Variants in FBXL19 observed in about 807,000 individuals in gnomAD.
FBXL19 encodes F-box/LRR-repeat protein 19.
Under a neutral mutation model 71.2 loss-of-function variants are expected in FBXL19, and 16 were observed. The ratio of observed to expected loss-of-function variants is 0.22; its 90% CI spans 0.15 to 0.34. The LOEUF is 0.34. FBXL19 is among the 10% of genes least tolerant of loss of function. The probability of loss-of-function intolerance (pLI) is 1.00; values close to 1 mark genes in which losing one functional copy is unlikely to be tolerated. For missense variants in FBXL19, 658 were observed against 968.2 expected, an observed-to-expected ratio of 0.68 and a Z score of 4.25; for synonymous variants, 447 against 409.4, an observed-to-expected ratio of 1.09 and a Z score of -1.11.
intron 1 of FBXL19, chr16:30,924,781 G>A (rs374528872): frequency 5.4e-6 from 8 of 1,473,444 alleles, no homozygotes; most frequent in Non-Finnish European, 7.2e-6. Context: ...AAGACTGACT[G>A]GGAAGAGACC....
chr16:30,923,050 C>G (rs769034594), upstream of FBXL19: 8 of 456,738 alleles, frequency 1.8e-5, no homozygotes, highest in South Asian at 3.1e-5. Flanking sequence ...TGTCCCTCTT[C>G]CGCCATCTTG....
Position 30,925,095 on chromosome 16 carries a change from C to A in FBXL19, c.-25+636C>A, listed in dbSNP as rs1442249169. Among the ~76,000 whole-genome samples the A allele has an allele frequency of 6.6e-6, 1 of 152,108 alleles. No homozygotes were observed. The highest frequency in any genetic ancestry group is 1.5e-5 in the Non-Finnish European group (1 of 68,006). ...GGTCTCTGAAGAAGCATCTCCAGGG[C>A]TGTCAGAGCTCTGGGGAGTTAGTGG... On this transcript the variant is annotated intron_variant, in intron 1 of 10. Transcript: ENST00000338343. The surrounding 1 kb of genome is among the most constrained non-coding windows in gnomAD (Gnocchi z 5.0).
In FBXL19 at chr16:30,930,236, G is replaced by A. The variant is rs776454702; in HGVS notation, c.953G>A (p.Gly318Asp). 2 of 1,613,010 alleles carry A rather than the reference G, an allele frequency of 1.2e-6. No individual in the cohort carries two copies. Among genetic ancestry groups the A allele is most frequent in the Admixed American group, 3.3e-5 (2 of 60,034 alleles). ...SDSDSDSDSS[G>D]TSLSEDEAPG... ...TCAGACTCCGACTCCGACTCTTCGG[G>A]CACATCGCTGAGTGAGGACGAAGCC... The change falls in exon 7 of 11, where the codon GGC (glycine) becomes GAC (aspartate). Residue 318 changes from glycine (G) to aspartate (D), a missense_variant. Gly to Asp is a moderately conservative substitution (Grantham distance 94). Transcript: ENST00000338343. The surrounding 1 kb of genome is among the most constrained non-coding windows in gnomAD (Gnocchi z 8.5).
chr16:30,938,793 C>T (rs1306387996), intron 7 of FBXL19, among the ~76,000 whole-genome samples: 2 of 151,870 alleles, frequency 1.3e-5, no homozygotes, highest in Non-Finnish European at 2.9e-5. Flanking sequence ...CCTGCCACCA[C>T]GCCCGGCTAA....
intron 9 of FBXL19, among the ~76,000 whole-genome samples, chr16:30,943,722 C>T (rs1343511018): frequency 3.3e-5 from 5 of 152,010 alleles, no homozygotes; most frequent in African/African-American, 4.8e-5. Flanking sequence ...AGGCCGATCT[C>T]GAACTCCTTG....
rs756087166 is a variant in FBXL19 at position 30,927,652 on chromosome 16, C to G, written c.401C>G (p.Thr134Ser). 3 of 1,565,924 alleles carry G rather than the reference C, an allele frequency of 1.9e-6. No individual in the cohort carries two copies. The highest frequency in any genetic ancestry group is 2.4e-5 in the East Asian group (1 of 41,958). ...CCTCGCTGCACCCAGGAAGGCCGCACCAGCAAGGTAGGGGCTGGGCTGGGC... is the reference window on the plus strand; with the variant it reads ...CCTCGCTGCACCCAGGAAGGCCGCAGCAGCAAGGTAGGGGCTGGGCTGGGC... ...ECPRCTQEGR[T>S]SKDSGEGPGR... is the part of the protein sequence containing the mutation. Residue 134 changes from threonine to serine, a missense_variant, in exon 4 of 11, where the codon ACC (threonine) becomes AGC (serine). Around this residue, in one of 8 missense-constraint regions of FBXL19, gnomAD observed 447 missense variants for 515.4 expected, o/e 0.87. Transcript: ENST00000338343.
At chr16:30,940,190 G>A (rs1431790998) in intron 7 of FBXL19, among the ~76,000 whole-genome samples, 1 of 151,896 alleles carries the variant, frequency 6.6e-6, no homozygotes, top group African/African-American at 2.4e-5. Context: ...CTTGGGAGAT[G>A]GTGGTTTCAG....
chr16:30,943,378 T>G (rs1286255142), intron 9 of FBXL19, among the ~76,000 whole-genome samples: 1 of 141,158 alleles, frequency 7.1e-6, no homozygotes, highest in Non-Finnish European at 1.5e-5. Context: ...TTTTTTTTTT[T>G]TTTTTTTTTT....
intron 7 of FBXL19, among the ~76,000 whole-genome samples, chr16:30,937,413 C>G (rs2055751307): frequency 6.6e-6 from 1 of 152,056 alleles, no homozygotes; most frequent in Middle Eastern, 3.2e-3. Context: ...TGACTCTTAC[C>G]ATGCCCCTTG....
Position 30,947,865 on chromosome 16 carries a change from CT to C in FBXL19, c.*636del. The C allele has an allele frequency of 2.2e-6, 1 of 454,270 alleles. No individual in the cohort carries two copies. The highest frequency in any genetic ancestry group is 4.4e-6 in the Non-Finnish European group (1 of 225,774). The allele number at this position is 454,270 out of a possible 1,614,324, so 28.1% of individuals were successfully genotyped here. On this transcript the variant is annotated 3_prime_UTR_variant, in exon 11 of 11. Transcript: ENST00000338343. Reference sequence around the variant, plus strand: ...CTCCCCAGGCTTCAGTTCCTTCCCCCTGACCCTGACTCCTTGAACGTCACTG... The same window carrying C: ...CTCCCCAGGCTTCAGTTCCTTCCCCCGACCCTGACTCCTTGAACGTCACTG...
At position 30,944,014 on chromosome 16, in the gene FBXL19, C is replaced by A. The variant is rs531350365; in HGVS notation, c.1627+1478C>A. 2.0e-5 allele frequency among the ~76,000 whole-genome samples: 3 copies of A among 152,174 alleles called. No homozygotes were observed. The South Asian group carries it at 6.2e-4, about 32-fold the overall frequency. ...AGCACTCAGCCATTGTCCACTCTTA[C>A]CAGAATTGGACTGAGTTGGAGAGCT... is the stretch of plus-strand genomic sequence containing the variant. On this transcript the variant is annotated intron_variant, in intron 9 of 10. Transcript: ENST00000338343.
At position 30,927,785 on chromosome 16, in the gene FBXL19, G is replaced by A; in HGVS notation, c.449G>A (p.Gly150Asp). ...EGPGRRRADNGEEGASLGSGW... is the reference protein window; with the variant it reads ...EGPGRRRADNDEEGASLGSGW... ...CCTGGCCGCCGTAGGGCCGACAACGGCGAGGAGGGCGCCAGCTTGGGGAGC... is the reference window on the plus strand; with the variant it reads ...CCTGGCCGCCGTAGGGCCGACAACGACGAGGAGGGCGCCAGCTTGGGGAGC... Residue 150 changes from glycine to aspartate, a missense_variant, in exon 5 of 11, where the codon GGC becomes GAC. This residue lies in a region of FBXL19 where 447 missense variants were observed against 515.4 expected (regional missense o/e 0.87). Coordinates refer to ENST00000338343, the MANE Select transcript of FBXL19 (RefSeq NM_001382779.1). 1 of 1,555,222 alleles carries A rather than the reference G, an allele frequency of 6.4e-7. No individual in the cohort carries two copies. Among genetic ancestry groups the A allele is most frequent in the Non-Finnish European group, 8.7e-7 (1 of 1,150,100 alleles).
chr16:30,941,330 A>G (rs561169697), intron 7 of FBXL19, among the ~76,000 whole-genome samples: 1 of 152,246 alleles, frequency 6.6e-6, no homozygotes, highest in East Asian at 1.9e-4. Flanking sequence ...TTGTTTAAAA[A>G]TTAGCCAGGC....
At position 30,925,669 on chromosome 16, in the gene FBXL19, CAG is replaced by C. The variant is rs1468508601; in HGVS notation, c.-24-61_-24-60del. 70 of 1,426,636 alleles carry C rather than the reference CAG, an allele frequency of 4.9e-5. No individual in the cohort carries two copies. The highest frequency in any genetic ancestry group is 6.1e-5 in the Non-Finnish European group (67 of 1,100,726). 88.4% of individuals were successfully genotyped at this position (1,426,636 alleles called of 1,614,324 possible). Reference sequence around the variant, plus strand: ...GCTGCCTGTAGGTGGAGGGACCTGTCAGGGGTCTCCCAGGCCAGGGCCCCAGT... The same window carrying C: ...GCTGCCTGTAGGTGGAGGGACCTGTCGGGTCTCCCAGGCCAGGGCCCCAGT... On this transcript the variant is annotated intron_variant, in intron 1 of 10. Transcript: ENST00000338343. This position sits in a 1 kb window ranked among gnomAD's most constrained non-coding sequence, Gnocchi z 5.0.
At position 30,930,148 on chromosome 16, in the gene FBXL19, C is replaced by T. The variant is rs772664806; in HGVS notation, c.865C>T (p.Arg289Cys). 3.7e-6 allele frequency: 6 copies of T among 1,613,486 alleles called. No individual in the cohort carries two copies. Among genetic ancestry groups the T allele is most frequent in the Non-Finnish European group, 1.7e-6 (2 of 1,179,898 alleles). The change falls in exon 7 of 11, where the codon CGT (arginine) becomes TGT (cysteine). Residue 289 changes from arginine to cysteine, a missense_variant. By Grantham distance (180) the Arg-to-Cys change is radical (BLOSUM62 -3). Around this residue, in one of 8 missense-constraint regions of FBXL19, gnomAD observed 447 missense variants for 515.4 expected, o/e 0.87. Transcript: ENST00000338343. This position sits in a 1 kb window ranked among gnomAD's most constrained non-coding sequence, Gnocchi z 8.5. ...SPSPQREKLE[R>C]FKRMCQLLER... ...GTCCCCGCAGAGGGAGAAGCTAGAG[C>T]GTTTCAAGCGGATGTGCCAGCTGCT...
chr16:30,928,427 G>A, intron 5 of FBXL19, 40 bp from the exon 6 acceptor site: 1 of 1,506,596 alleles, frequency 6.6e-7, no homozygotes, highest in Non-Finnish European at 8.9e-7. Flanking sequence ...GGCCTAATGG[G>A]GTCTCTCCCT....
chr16:30,944,205 A>AT (rs2055833243), intron 9 of FBXL19, among the ~76,000 whole-genome samples: 1 of 108,882 alleles, frequency 9.2e-6, no homozygotes, highest in Non-Finnish European at 2.0e-5. Context: ...TTAGTTTTTA[A>AT]ATTTTTTTTT....
rs373007429 is a variant in FBXL19 at position 30,930,339 on chromosome 16, T to G, written c.1056T>G (p.Ala352=). The G allele has an allele frequency of 3.1e-6, 5 of 1,591,946 alleles. No individual in the cohort carries two copies. Among genetic ancestry groups the G allele is most frequent in the Non-Finnish European group, 4.3e-6 (5 of 1,170,522 alleles). ...AGGAGAACCGTGGGGGGCGGCGGGC[T>G]GTGCGCCCTGGCAGTGGGGGGCCCC... ...GEKENRGGRR[A]VRPGSGGPLL... The change falls in exon 7 of 11, where the codon GCT becomes GCG. Residue 352 remains alanine, a synonymous_variant. Transcript: ENST00000338343. The surrounding 1 kb of genome is among the most constrained non-coding windows in gnomAD (Gnocchi z 8.5).
chr16:30,935,577 C>T (rs906860516), intron 7 of FBXL19, among the ~76,000 whole-genome samples: 15 of 152,096 alleles, frequency 9.9e-5, no homozygotes, highest in Non-Finnish European at 1.8e-4. Context: ...ACAAGGTGAT[C>T]ATGGTCGGGT....
Sources: allele counts gnomAD v4.1 joint callset (sites outside exome capture counted in the v4.1 genomes callset), GRCh38; gene constraint gnomAD v4.1.1; regional missense constraint gnomAD v4.1.1; non-coding constraint Gnocchi (gnomAD v3.1); transcripts MANE v1.5; gene names NCBI Gene and HGNC (gene_info 2026-07-23, HGNC 2026-07-21).